CALD1: variants seen among roughly 807,000 people sequenced by gnomAD.
CALD1 encodes caldesmon.
Under a neutral mutation model 99.9 loss-of-function variants are expected in CALD1, and 33 were observed. The ratio of observed to expected loss-of-function variants is 0.33; its 90% confidence interval spans 0.25 to 0.44. CALD1 has a LOEUF of 0.44. Ranked by LOEUF, CALD1 falls within the 20% of genes least tolerant of loss-of-function variation. The pLI is 1.00. For synonymous variants in CALD1, 310 were observed against 325.0 expected, an observed-to-expected ratio of 0.95 and a Z score of 0.50; for missense variants, 861 against 962.1, an observed-to-expected ratio of 0.89 and a Z score of 1.39.
intron 6 of CALD1, among the ~76,000 whole-genome samples, chr7:134,936,626 T>C (rs900525475): frequency 1.3e-5 from 2 of 152,198 alleles, no homozygotes; most frequent in Admixed American, 1.3e-4. Flanking sequence ...TGGCATCTAT[T>C]AAGAAAATTC....
chr7:134,871,631 T>G (rs1323887795), intron 3 of CALD1, among the ~76,000 whole-genome samples: 1 of 152,200 alleles, frequency 6.6e-6, no homozygotes, highest in Non-Finnish European at 1.5e-5. Context: ...CCACAGCCTT[T>G]GTACACCTGA....
chr7:134,856,228 C>T (rs1186388953), intron 2 of CALD1, among the ~76,000 whole-genome samples: 7 of 152,286 alleles, frequency 4.6e-5, no homozygotes. Context: ...GCAGAGTGAG[C>T]TTCTGCATTT....
chr7:134,849,327 G>A (rs544464521), intron 2 of CALD1, among the ~76,000 whole-genome samples: 1 of 152,262 alleles, frequency 6.6e-6, no homozygotes, highest in East Asian at 1.9e-4. Flanking sequence ...TGTATAGAAT[G>A]TTGTTAAAAG....
At chr7:134,819,725 C>T (rs1798698713) in intron 1 of CALD1, among the ~76,000 whole-genome samples, 1 of 152,260 alleles carries the variant, frequency 6.6e-6, no homozygotes, top group African/African-American at 2.4e-5. Context: ...CCCTCTAGCT[C>T]CTGACCCAGA....
intron 1 of CALD1, among the ~76,000 whole-genome samples, chr7:134,773,276 CT>C (rs11345428): frequency 0.56 from 77,552 of 137,838 alleles, 22,152 homozygotes; most frequent in East Asian, 0.87. Context: ...TTTTTCTGAA[CT>C]TTTTTTTTTT....
chr7:134,864,443 G>T (rs577340718), intron 2 of CALD1, among the ~76,000 whole-genome samples: 2 of 147,382 alleles, frequency 1.4e-5, no homozygotes, highest in East Asian at 4.1e-4. Flanking sequence ...CTGTCGCTCA[G>T]ACTGGAGTGA....
the CALD1 span, among the ~76,000 whole-genome samples, chr7:134,722,825 G>A: frequency 6.6e-6 from 1 of 152,026 alleles, no homozygotes; most frequent in African/African-American, 2.4e-5. Context: ...TCCCTGCTGG[G>A]AGGCCTTTTC....
intron 1 of CALD1, among the ~76,000 whole-genome samples, chr7:134,822,866 ATC>A (rs1798837082): frequency 6.6e-6 from 1 of 152,162 alleles, no homozygotes; most frequent in African/African-American, 2.4e-5. Flanking sequence ...CCCTGGCTAG[ATC>A]ATGTGTTCCT....
intron 9 of CALD1, among the ~76,000 whole-genome samples, chr7:134,954,105 A>G (rs905760434): frequency 5.3e-5 from 8 of 152,172 alleles, no homozygotes; most frequent in Admixed American, 2.6e-4. Context: ...GAGGAAAAAT[A>G]TTTGCTATTT....
At chr7:134,910,659 A>T (rs1190221771) in intron 3 of CALD1, among the ~76,000 whole-genome samples, 1 of 152,102 alleles carries the variant, frequency 6.6e-6, no homozygotes, top group Non-Finnish European at 1.5e-5. Context: ...ACGTACACAC[A>T]CACACACACA....
intron 3 of CALD1, among the ~76,000 whole-genome samples, chr7:134,868,948 T>A (rs1800934308): frequency 6.6e-6 from 1 of 152,212 alleles, no homozygotes; most frequent in Admixed American, 6.5e-5. Flanking sequence ...ATTATTGAGC[T>A]TCATAAATAG....
At chr7:134,716,174 T>TA in the CALD1 span, among the ~76,000 whole-genome samples, 1 of 152,202 alleles carries the variant, frequency 6.6e-6, no homozygotes, top group East Asian at 1.9e-4. Flanking sequence ...AATTAAATCT[T>TA]ACAATAAAAA....
At chr7:134,803,128 G>A (rs62462525) in intron 1 of CALD1, among the ~76,000 whole-genome samples, 3 of 152,048 alleles carry the variant, frequency 2.0e-5, no homozygotes, top group Non-Finnish European at 2.9e-5. Context: ...TTTTGCATTT[G>A]TCTAATGACA....
At chr7:134,751,619 C>A (rs1176453495) in intron 1 of CALD1, among the ~76,000 whole-genome samples, 1 of 151,806 alleles carries the variant, frequency 6.6e-6, no homozygotes, top group Non-Finnish European at 1.5e-5. Context: ...ATTGTACATT[C>A]AACCCACAGA....
intron 1 of CALD1, among the ~76,000 whole-genome samples, chr7:134,830,622 CT>C (rs1799182648): frequency 6.6e-6 from 1 of 151,970 alleles, no homozygotes; most frequent in Non-Finnish European, 1.5e-5. Flanking sequence ...TCCATGTGTT[CT>C]CATCATTTAA....
intron 2 of CALD1, among the ~76,000 whole-genome samples, chr7:134,857,093 T>TA (rs1800333253): frequency 3.3e-5 from 5 of 150,674 alleles, no homozygotes; most frequent in Non-Finnish European, 7.4e-5. Flanking sequence ...AAATACAACA[T>TA]GGGTATCAGT....
rs75167402 is a variant in CALD1 at position 134,879,571 on chromosome 7, T to C, written c.71+11767T>C. On this transcript the variant is annotated intron_variant, in intron 3 of 14. Coordinates refer to ENST00000361675, the MANE Select transcript of CALD1 (RefSeq NM_033138.4). The stretch of plus-strand genomic sequence containing the variant: ...TTTAAGTACTGGAGAGTACAACTTT[T>C]TTTTAAACCTTTTAAATAACTTTAA... 9.0e-3 allele frequency among the ~76,000 whole-genome samples: 1,370 copies of C among 152,348 alleles called. 4 individuals carry two copies. The highest frequency in any genetic ancestry group is 0.014 in the Non-Finnish European group (970 of 68,030).
In CALD1 at chr7:134,867,812, T is replaced by A. The variant is rs1340773914; in HGVS notation, c.71+8T>A. ...GCGACTCGAAGCAGAAAGGTAAGGA[T>A]CTAGGGTGAAAAATACTTGTATTCC... On this transcript the variant is annotated splice_region_variant and intron_variant, in intron 3 of 14. Coordinates refer to ENST00000361675, the MANE Select transcript of CALD1 (RefSeq NM_033138.4). The A allele has an allele frequency of 1.3e-6, 2 of 1,579,428 alleles. No individual in the cohort carries two copies. The highest frequency in any genetic ancestry group is 1.3e-5 in the African/African-American group (1 of 74,162).
At chr7:134,878,320 G>C (rs1801442727) in intron 3 of CALD1, among the ~76,000 whole-genome samples, 1 of 152,166 alleles carries the variant, frequency 6.6e-6, no homozygotes, top group African/African-American at 2.4e-5. Context: ...TGTAATGTCA[G>C]CACTTTGGGA....
Sources: allele counts gnomAD v4.1 joint callset (sites outside exome capture counted in the v4.1 genomes callset), GRCh38; gene constraint gnomAD v4.1.1; transcripts MANE v1.5; gene names NCBI Gene and HGNC (gene_info 2026-07-23, HGNC 2026-07-21).